SEC63: variants seen among roughly 807,000 people sequenced by gnomAD.
SEC63 encodes the protein translocation protein SEC63 homolog.
A neutral mutation model predicts 116.2 loss-of-function variants in SEC63; 56 were observed. The observed-to-expected ratio is 0.48, with a 90% CI of 0.39 to 0.60. The LOEUF is 0.60. Among genes scored for constraint, SEC63 ranks in the 20% least tolerant of loss-of-function variants. SEC63 has a pLI of 0.00. For missense variants in SEC63, 668 were observed against 900.0 expected (o/e 0.74, Z 3.30); for synonymous variants, 273 against 294.6 (o/e 0.93, Z 0.75).
intron 1 of SEC63, among the ~76,000 whole-genome samples, chr6:107,952,524 G>A (rs750969056): frequency 1.6e-4 from 24 of 152,294 alleles, no homozygotes; most frequent in African/African-American, 5.1e-4. Context: ...TTGGGAGGCC[G>A]AGGTGGGCAG....
At chr6:107,902,547 TGTAAA>T (rs1211900476) in intron 12 of SEC63, among the ~76,000 whole-genome samples, 3 of 152,158 alleles carry the variant, frequency 2.0e-5, no homozygotes, top group Non-Finnish European at 4.4e-5. Context: ...ATAAAATGAC[TGTAAA>T]GTAGACAGTA....
At chr6:107,921,376 T>TA (rs1787552278) in intron 4 of SEC63, among the ~76,000 whole-genome samples, 1 of 152,130 alleles carries the variant, frequency 6.6e-6, no homozygotes, top group Non-Finnish European at 1.5e-5. Flanking sequence ...CCCTAAATGA[T>TA]AGACTCAACA....
Position 107,874,560 on chromosome 6 carries a change from C to T in SEC63, c.2035-1648G>A, listed in dbSNP as rs368614317. Among the ~76,000 whole-genome samples, 37 of 140,996 alleles carry T rather than the reference C, an allele frequency of 2.6e-4. No homozygotes were observed. In the East Asian group the frequency reaches 4.2e-3, roughly 16 times the overall value. The allele number at this position is 140,996 out of a possible 152,430, so 92.5% of individuals were successfully genotyped here. Reference sequence around the variant, plus strand: ...GCAGTGAGCCGAGATCATGCCACTGCACTCCAGCCTGGGCGACACAGTGAG... The same window carrying T: ...GCAGTGAGCCGAGATCATGCCACTGTACTCCAGCCTGGGCGACACAGTGAG... On this transcript the variant is annotated intron_variant, in intron 19 of 20. Coordinates refer to ENST00000369002, the MANE Select transcript of SEC63 (RefSeq NM_007214.5).
Position 107,906,700 on chromosome 6 carries a change from T to C in SEC63, c.811A>G (p.Asn271Asp). The C allele has an allele frequency of 6.2e-7, 1 of 1,613,850 alleles. No individual in the cohort carries two copies. Among genetic ancestry groups the C allele is most frequent in the Non-Finnish European group, 8.5e-7 (1 of 1,179,764 alleles). ...NKDATSRPTD[N>D]ILIPQLIREI... is the part of the protein sequence containing the mutation. Reference sequence around the variant, plus strand: ...AGCCTAACCTGTGGTATTAGAATATTATCCGTTGGTCTGCTTGTGGCATCT... The same window carrying C: ...AGCCTAACCTGTGGTATTAGAATATCATCCGTTGGTCTGCTTGTGGCATCT... The change falls in exon 9 of 21, where the codon AAT becomes GAT. Residue 271 changes from asparagine to aspartate, a missense_variant. Coordinates refer to ENST00000369002, the MANE Select transcript of SEC63 (RefSeq NM_007214.5).
intron 4 of SEC63, among the ~76,000 whole-genome samples, chr6:107,914,053 C>G (rs1287151935): frequency 6.6e-6 from 1 of 152,050 alleles, no homozygotes; most frequent in East Asian, 1.9e-4. Context: ...GCTTCCTAAC[C>G]CAGGGAATGT....
In SEC63 at chr6:107,924,847, T is replaced by TGTATTCTTG. The variant is rs768499341; in HGVS notation, c.301_309dup (p.Gln101_Tyr103dup). On this transcript the variant is annotated inframe_insertion, in exon 3 of 21. Transcript: ENST00000369002. ...TCCAAATTTAATACTTCATAAGGAT[T>TGTATTCTTG]GTATTCTTGGTATTCTCGGTCTGTT... 1 of 1,569,482 alleles carries TGTATTCTTG rather than the reference T, an allele frequency of 6.4e-7. No homozygotes were observed. Among genetic ancestry groups the TGTATTCTTG allele is most frequent in the South Asian group, 1.1e-5 (1 of 90,122 alleles).
At chr6:107,944,748 T>G (rs924269100) in intron 1 of SEC63, among the ~76,000 whole-genome samples, 3 of 152,000 alleles carry the variant, frequency 2.0e-5, no homozygotes, top group African/African-American at 7.2e-5. Context: ...AATAGAAATT[T>G]TGGAGTCTGT....
At chr6:107,881,389 C>T in intron 17 of SEC63, 139 bp from the exon 18 acceptor site, 1 of 649,668 alleles carries the variant, frequency 1.5e-6, no homozygotes, top group South Asian at 1.7e-5. Context: ...TGATCATCTC[C>T]CTGCTCATCC....
chr6:107,921,936 AGCTTTCTGTTAGC>A, intron 3 of SEC63, 27 bp from the exon 4 acceptor site: 2 of 1,318,720 alleles, frequency 1.5e-6, no homozygotes, highest in Non-Finnish European at 2.2e-6. Context: ...AAAAAAAACA[AGCTTTCTGTTAGC>A]AAAAATAAGC....
rs9384665 is a variant in SEC63, at chr6:107,932,101, A to G, written c.125-2587T>C. 2,434 of 179,290 alleles carry G rather than the reference A, an allele frequency of 0.014. 116 individuals are homozygous for G. In the East Asian group the frequency reaches 0.15, roughly 11 times the overall value. 11.1% of individuals were successfully genotyped at this position (179,290 alleles called of 1,614,324 possible). ...GTGTTTACTATGGATGTCAAGGCCA[A>G]CCAGATCAAACAGGCTGTGAAGAAG... On this transcript the variant is annotated intron_variant, in intron 1 of 20. Transcript: ENST00000369002.
intron 1 of SEC63, among the ~76,000 whole-genome samples, chr6:107,953,815 G>A (rs1292130224): frequency 1.5e-5 from 2 of 137,364 alleles, no homozygotes; most frequent in African/African-American, 2.8e-5. Flanking sequence ...CCCCCCGCCC[G>A]GCCAGCCGCC....
chr6:107,884,278 A>T (rs971806005), intron 16 of SEC63, among the ~76,000 whole-genome samples: 5 of 151,162 alleles, frequency 3.3e-5, no homozygotes, highest in Non-Finnish European at 7.4e-5. Context: ...GAGCAGAGAG[A>T]GATACAGAAA....
At chr6:107,949,788 C>T (rs1202693911) in intron 1 of SEC63, among the ~76,000 whole-genome samples, 2 of 152,074 alleles carry the variant, frequency 1.3e-5, no homozygotes, top group African/African-American at 2.4e-5. Flanking sequence ...TGCCACCATG[C>T]CTGGCTAATA....
At chr6:107,951,880 G>A (rs1473491190) in intron 1 of SEC63, among the ~76,000 whole-genome samples, 3 of 151,682 alleles carry the variant, frequency 2.0e-5, no homozygotes, top group African/African-American at 7.3e-5. Context: ...GGCTGAGGCA[G>A]GAGAATGGGG....
At position 107,949,777 on chromosome 6, in the gene SEC63, G is replaced by A. The variant is rs181819579; in HGVS notation, c.124+8109C>T. The stretch of plus-strand genomic sequence containing the variant: ...CCTGAGTAGCTAGGACTAAAGGTGC[G>A]TGCCACCATGCCTGGCTAATATTTT... On this transcript the variant is annotated intron_variant, in intron 1 of 20. Transcript: ENST00000369002. 9.9e-5 allele frequency among the ~76,000 whole-genome samples: 15 copies of A among 152,104 alleles called. 1 individual carries two copies. Among genetic ancestry groups the A allele is most frequent in the African/African-American group, 3.4e-4 (14 of 41,490 alleles).
chr6:107,939,274 G>A (rs556948236), intron 1 of SEC63, among the ~76,000 whole-genome samples: 59 of 152,072 alleles, frequency 3.9e-4, no homozygotes, highest in African/African-American at 1.3e-3. Context: ...GGCATGAGAC[G>A]GTGTCTCAAA....
intron 16 of SEC63, among the ~76,000 whole-genome samples, chr6:107,885,823 C>T (rs1223219262): frequency 6.6e-6 from 1 of 151,930 alleles, no homozygotes; most frequent in Non-Finnish European, 1.5e-5. Flanking sequence ...ATAGAATGAA[C>T]TAGAGTCCAT....
chr6:107,953,537 C>T (rs1194570124), intron 1 of SEC63, among the ~76,000 whole-genome samples: 5 of 136,504 alleles, frequency 3.7e-5, no homozygotes, highest in Non-Finnish European at 7.9e-5. Flanking sequence ...GTCAGCCCCC[C>T]GCCCGGCCAG....
chr6:107,893,938 T>A (rs771003120), intron 14 of SEC63, 41 bp from the exon 15 acceptor site: 1 of 1,593,592 alleles, frequency 6.3e-7, no homozygotes, highest in Non-Finnish European at 8.6e-7. Flanking sequence ...TCTGTCAACC[T>A]ATATTTATCT....
Sources: gnomAD v4.1 joint callset for allele counts (sites outside exome capture counted in the v4.1 genomes callset) on GRCh38, gnomAD v4.1.1 for gene constraint, MANE v1.5 for transcripts, NCBI Gene and HGNC (gene_info 2026-07-23, HGNC 2026-07-21) for gene names.